Variants in PXK observed in about 807,000 individuals in gnomAD.
The protein encoded by PXK is PX domain containing serine/threonine kinase like.
A neutral mutation model predicts 84.7 loss-of-function variants in PXK; 35 were observed. The observed-to-expected ratio is 0.41, with a 90% CI of 0.32 to 0.55. The LOEUF (loss-of-function observed/expected upper bound fraction) is 0.55, where lower values mean the gene tolerates loss of function less well. Ranked by LOEUF, PXK falls within the 20% of genes least tolerant of loss-of-function variation. PXK has a pLI of 0.21. For missense variants in PXK, 634 were observed against 699.7 expected (o/e 0.91, Z 1.06); for synonymous variants, 253 against 260.8 (o/e 0.97, Z 0.29).
intron 1 of PXK, among the ~76,000 whole-genome samples, chr3:58,336,563 A>T (rs2097616021): frequency 6.6e-6 from 1 of 152,206 alleles, no homozygotes; most frequent in African/African-American, 2.4e-5. Flanking sequence ...GACAAAAGGA[A>T]TTCTGGTGAA....
intron 1 of PXK, among the ~76,000 whole-genome samples, chr3:58,346,671 T>G (rs2097825941): frequency 6.6e-6 from 1 of 152,054 alleles, no homozygotes; most frequent in Admixed American, 6.6e-5. Flanking sequence ...TTTTCTTTTT[T>G]TTTTTGAAAC....
At chr3:58,419,037 C>G (rs1225415823) in intron 17 of PXK, among the ~76,000 whole-genome samples, 1 of 152,186 alleles carries the variant, frequency 6.6e-6, no homozygotes, top group African/African-American at 2.4e-5. Context: ...CATTTTTATG[C>G]TTAGGTTCAA....
chr3:58,423,534 TCA>T, intron 17 of PXK: 1 of 1,535,528 alleles, frequency 6.5e-7, no homozygotes, highest in Non-Finnish European at 8.7e-7. Context: ...CCCATACCTG[TCA>T]CACTTGGTGA....
At chr3:58,394,802 C>G (rs2057376990) in intron 7 of PXK, among the ~76,000 whole-genome samples, 196 bp from the exon 8 acceptor site, 1 of 152,148 alleles carries the variant, frequency 6.6e-6, no homozygotes, top group African/African-American at 2.4e-5. Flanking sequence ...AGTTTATGTC[C>G]CTTCCTCCAT....
At chr3:58,360,391 G>A (rs199706603) in intron 1 of PXK, among the ~76,000 whole-genome samples, 16 of 152,286 alleles carry the variant, frequency 1.1e-4, no homozygotes, top group African/African-American at 2.4e-4. Context: ...CCAGGTTAAC[G>A]TCTCATTTGG....
chr3:58,359,470 G>T (rs1363779324), intron 1 of PXK, among the ~76,000 whole-genome samples: 1 of 151,140 alleles, frequency 6.6e-6, no homozygotes, highest in Non-Finnish European at 1.5e-5. Context: ...GTCAGAGGTT[G>T]CAGTGAGCCG....
At chr3:58,348,372 AT>A (rs1237691698) in intron 1 of PXK, among the ~76,000 whole-genome samples, 1 of 152,130 alleles carries the variant, frequency 6.6e-6, no homozygotes, top group African/African-American at 2.4e-5. Flanking sequence ...CCAGACAATG[AT>A]TTGTGTGACC....
chr3:58,354,188 T>C (rs1004563864), intron 1 of PXK, among the ~76,000 whole-genome samples: 2 of 152,102 alleles, frequency 1.3e-5, no homozygotes, highest in African/African-American at 4.8e-5. Context: ...TCTTTCTTGC[T>C]CCTTTAAACG....
Position 58,337,478 on chromosome 3 carries a change from C to CT in PXK, c.102+4398dup, listed in dbSNP as rs879280401. On this transcript the variant is annotated intron_variant, in intron 1 of 17. Coordinates refer to ENST00000356151, the MANE Select transcript of PXK (RefSeq NM_017771.5). ...CTTTTGTTCTGTTGGATTCCAAGGT[C>CT]TTTTTTTTTTCATTGTGAGACAGGT... Among the ~76,000 whole-genome samples the CT allele has an allele frequency of 9.7e-3, 1,458 of 149,906 alleles. 29 individuals carry two copies. The highest frequency in any genetic ancestry group is 0.034 in the African/African-American group (1,381 of 40,840).
chr3:58,361,263 T>C (rs1205557211), intron 1 of PXK, among the ~76,000 whole-genome samples: 6 of 126,714 alleles, frequency 4.7e-5, no homozygotes, highest in Admixed American at 1.0e-4. Context: ...ACCACTGCAC[T>C]CCAGCCTGGG....
intron 17 of PXK, chr3:58,422,451 C>T: frequency 1.0e-6 from 1 of 985,434 alleles, no homozygotes; most frequent in Non-Finnish European, 1.2e-6. Context: ...TGCTGCCTGT[C>T]CTTTCGTTCC....
At chr3:58,378,628 A>G (rs2098468723) in intron 3 of PXK, among the ~76,000 whole-genome samples, 1 of 146,706 alleles carries the variant, frequency 6.8e-6, no homozygotes, top group East Asian at 2.1e-4. Flanking sequence ...TCTGCCTCCC[A>G]GGTTCAAGCG....
intron 1 of PXK, among the ~76,000 whole-genome samples, chr3:58,336,064 TATATA>T (rs1210798284): frequency 6.9e-5 from 4 of 58,250 alleles, no homozygotes; most frequent in African/African-American, 4.8e-4. Flanking sequence ...TATATATATA[TATATA>T]TATTTTTTTT....
At chr3:58,406,025 A>G (rs2059352293) in intron 13 of PXK, among the ~76,000 whole-genome samples, 1 of 151,998 alleles carries the variant, frequency 6.6e-6, no homozygotes, top group African/African-American at 2.4e-5. Flanking sequence ...GCTGGAGTAC[A>G]ATGGCATGAT....
At chr3:58,382,735 G>T in intron 4 of PXK, 35 bp downstream of exon 4, 1 of 1,420,852 alleles carries the variant, frequency 7.0e-7, no homozygotes, top group Non-Finnish European at 9.4e-7. Context: ...TGGTCACATG[G>T]CTAAAGAGGC....
rs1211703264 is a variant in PXK at position 58,409,016 on chromosome 3, G to C, written c.1308+15G>C. 1 of 1,550,546 alleles carries C rather than the reference G, an allele frequency of 6.4e-7. No individual in the cohort carries two copies. Among genetic ancestry groups the C allele is most frequent in the Admixed American group, 1.7e-5 (1 of 59,160 alleles). The stretch of plus-strand genomic sequence containing the variant: ...AACAGAAACAGGTAAATTGATAACG[G>C]TTCCTCTTTGCCTTTTAGTGTCCCC... On this transcript the variant is annotated intron_variant, in intron 14 of 17. Coordinates refer to ENST00000356151, the MANE Select transcript of PXK (RefSeq NM_017771.5). The surrounding 1 kb of genome is among the most constrained non-coding windows in gnomAD (Gnocchi z 4.2).
chr3:58,349,026 C>T (rs1217735341), intron 1 of PXK, among the ~76,000 whole-genome samples: 2 of 152,106 alleles, frequency 1.3e-5, no homozygotes, highest in East Asian at 1.9e-4. Context: ...ATATCAGATG[C>T]TCAGTAGCCA....
At chr3:58,384,566 G>T (rs1053413712) in intron 4 of PXK, among the ~76,000 whole-genome samples, 1 of 152,170 alleles carries the variant, frequency 6.6e-6, no homozygotes, top group Non-Finnish European at 1.5e-5. Context: ...TGTCAAAGTA[G>T]CATCTTTTGT....
At chr3:58,338,102 G>A (rs1284020348) in intron 1 of PXK, among the ~76,000 whole-genome samples, 4 of 151,966 alleles carry the variant, frequency 2.6e-5, no homozygotes, top group Non-Finnish European at 5.9e-5. Flanking sequence ...AGCACTTTGG[G>A]AGGCCGAGGC....
Sources: allele counts gnomAD v4.1 joint callset (sites outside exome capture counted in the v4.1 genomes callset), GRCh38; gene constraint gnomAD v4.1.1; non-coding constraint Gnocchi (gnomAD v3.1); transcripts MANE v1.5; gene names NCBI Gene and HGNC (gene_info 2026-07-23, HGNC 2026-07-21).